The following DNAI7 variants were observed in gnomAD, a reference collection of about 807,000 sequenced individuals.
The protein encoded by DNAI7 is cancer susceptibility 1.
A neutral mutation model predicts 86.6 loss-of-function variants in DNAI7; 78 were observed. That is an observed-to-expected ratio of 0.90 (90% CI 0.75 to 1.09). The LOEUF (loss-of-function observed/expected upper bound fraction) is 1.09, where lower values mean the gene tolerates loss of function less well. DNAI7 is among the 50% of genes least tolerant of loss of function. DNAI7 has a pLI of 0.00. For synonymous variants in DNAI7, 274 were observed against 273.0 expected (o/e 1.00, Z -0.04); for missense variants, 753 against 810.2 (o/e 0.93, Z 0.86).
chr12:25,110,094 C>T (rs1294959041), intron 15 of DNAI7, 33 bp downstream of exon 15: 1 of 1,033,774 alleles, frequency 9.7e-7, no homozygotes, highest in Non-Finnish European at 1.5e-6. Flanking sequence ...TTTTGGAGGA[C>T]AAAGTAGTTT....
At chr12:25,156,576 A>G (rs957840984) in intron 4 of DNAI7, among the ~76,000 whole-genome samples, 16 of 152,024 alleles carry the variant, frequency 1.1e-4, no homozygotes, top group African/African-American at 3.9e-4. Context: ...CCCCATCTCT[A>G]TTAAAAATAC....
chr12:25,140,530 A>T (rs755403315), intron 9 of DNAI7, among the ~76,000 whole-genome samples: 1 of 152,196 alleles, frequency 6.6e-6, no homozygotes, highest in Non-Finnish European at 1.5e-5. Context: ...TCTACAAGGA[A>T]AACTGCAAAA....
chr12:25,115,957 C>T (rs966621410), intron 12 of DNAI7, among the ~76,000 whole-genome samples: 26 of 152,212 alleles, frequency 1.7e-4, no homozygotes, highest in African/African-American at 5.8e-4. Flanking sequence ...TGCTCTATAG[C>T]ACTTTACATC....
intron 9 of DNAI7, among the ~76,000 whole-genome samples, chr12:25,134,566 C>T (rs562180810): frequency 5.3e-5 from 8 of 151,586 alleles, no homozygotes; most frequent in Non-Finnish European, 1.0e-4. Context: ...CATGTTGGCC[C>T]GGCTGATCTC....
intron 9 of DNAI7, among the ~76,000 whole-genome samples, chr12:25,127,236 A>G (rs953269660): frequency 2.0e-5 from 3 of 152,210 alleles, no homozygotes; most frequent in Non-Finnish European, 4.4e-5. Flanking sequence ...CTCCCGCACA[A>G]AAACTTCAAA....
intron 2 of DNAI7, among the ~76,000 whole-genome samples, chr12:25,167,290 AG>A (rs1358643998): frequency 6.6e-6 from 1 of 152,056 alleles, no homozygotes; most frequent in Non-Finnish European, 1.5e-5. Flanking sequence ...ACTACTCCTC[AG>A]GGATTATTCA....
intron 12 of DNAI7, among the ~76,000 whole-genome samples, chr12:25,118,499 G>A (rs1457041253): frequency 1.3e-5 from 2 of 152,162 alleles, no homozygotes; most frequent in East Asian, 3.9e-4. Flanking sequence ...CTGACCTCAG[G>A]TGATCCATCT....
intron 8 of DNAI7, among the ~76,000 whole-genome samples, chr12:25,146,407 ACCAAC>A (rs1356776690): frequency 6.6e-6 from 1 of 151,690 alleles, no homozygotes; most frequent in Non-Finnish European, 1.5e-5. Flanking sequence ...AACTAACCTG[ACCAAC>A]ATGGTGAAAC....
At chr12:25,186,508 C>T (rs1950050801) in intron 2 of DNAI7, among the ~76,000 whole-genome samples, 1 of 152,114 alleles carries the variant, frequency 6.6e-6, no homozygotes, top group African/African-American at 2.4e-5. Flanking sequence ...AAATGATCAC[C>T]ACTTCACACT....
intron 6 of DNAI7, among the ~76,000 whole-genome samples, chr12:25,150,477 G>A (rs975593096): frequency 5.3e-5 from 8 of 151,840 alleles, no homozygotes; most frequent in East Asian, 1.9e-4. Context: ...GGTGGCGGGC[G>A]CCTGTAGGCC....
chr12:25,110,108 G>T lies in DNAI7; in HGVS notation c.1893+19C>A. ...CTTTTGGAGGACAAAGTAGTTTTAT[G>T]GGTTTCTACATATCATACCTTAAAT... On this transcript the variant is annotated intron_variant, in intron 15 of 15. Coordinates refer to ENST00000395987, the MANE Select transcript of DNAI7 (RefSeq NM_018272.5). 1 of 1,208,928 alleles carries T rather than the reference G, an allele frequency of 8.3e-7. No homozygotes were observed. Among genetic ancestry groups the T allele is most frequent in the Non-Finnish European group, 1.2e-6 (1 of 817,612 alleles). 74.9% of individuals were successfully genotyped at this position (1,208,928 alleles called of 1,614,324 possible). A position where few individuals can be genotyped will look rare whatever the true frequency, so the allele number is the denominator to read the frequency against.
intron 7 of DNAI7, 78 bp from the exon 8 acceptor site, chr12:25,147,182 T>G (rs952472879): frequency 1.4e-6 from 1 of 740,038 alleles, no homozygotes; most frequent in African/African-American, 1.8e-5. Context: ...ACTTTATCAC[T>G]TATGTGTTGG....
At chr12:25,124,194 T>C (rs1372776494) in intron 9 of DNAI7, among the ~76,000 whole-genome samples, 2 of 152,074 alleles carry the variant, frequency 1.3e-5, no homozygotes, top group Non-Finnish European at 2.9e-5. Flanking sequence ...TTCCCATGAC[T>C]CTTACCCATC....
At chr12:25,175,581 C>A (rs1204226252) in intron 2 of DNAI7, among the ~76,000 whole-genome samples, 8 of 151,818 alleles carry the variant, frequency 5.3e-5, no homozygotes, top group African/African-American at 1.9e-4. Context: ...CTCCTGACCT[C>A]AAGTGATCCA....
At chr12:25,158,709 T>A in intron 3 of DNAI7, 146 bp from the exon 4 acceptor site, 1 of 1,484,944 alleles carries the variant, frequency 6.7e-7, no homozygotes, top group Non-Finnish European at 8.9e-7. Flanking sequence ...ATGAGAAAAG[T>A]GTCAGTTCTC....
At chr12:25,141,238 T>C (rs1296949643) in intron 9 of DNAI7, among the ~76,000 whole-genome samples, 1 of 152,128 alleles carries the variant, frequency 6.6e-6, no homozygotes, top group Non-Finnish European at 1.5e-5. Context: ...AGCTTCTGCA[T>C]AGCAAAAGAA....
chr12:25,158,618 C>T, intron 3 of DNAI7, 55 bp from the exon 4 acceptor site: 1 of 1,547,036 alleles, frequency 6.5e-7, no homozygotes, highest in Non-Finnish European at 8.8e-7. Flanking sequence ...TATTTTTAAG[C>T]CCTTAAAATT....
At chr12:25,167,338 T>C (rs988363616) in intron 2 of DNAI7, among the ~76,000 whole-genome samples, 1 of 152,090 alleles carries the variant, frequency 6.6e-6, no homozygotes. Flanking sequence ...GCTCGAGAAT[T>C]TGCCCCCGCC....
intron 9 of DNAI7, among the ~76,000 whole-genome samples, chr12:25,128,611 C>T (rs1485604522): frequency 6.6e-6 from 1 of 152,182 alleles, no homozygotes; most frequent in Non-Finnish European, 1.5e-5. Flanking sequence ...CTTTGTTTCA[C>T]AGCCACTCTC....
Sources: gnomAD v4.1 joint callset for allele counts (sites outside exome capture counted in the v4.1 genomes callset) on GRCh38, gnomAD v4.1.1 for gene constraint, MANE v1.5 for transcripts, NCBI Gene and HGNC (gene_info 2026-07-23, HGNC 2026-07-21) for gene names.